Variants in SLC6A16 observed in about 807,000 individuals in gnomAD.
The protein encoded by SLC6A16 is solute carrier family 6 member 16.
In SLC6A16, 54 loss-of-function variants were observed where a neutral mutation model predicts 65.4. The ratio of observed to expected loss-of-function variants is 0.83; its 90% CI spans 0.66 to 1.04. SLC6A16 has a LOEUF of 1.04. Among genes scored for constraint, SLC6A16 ranks in the 50% least tolerant of loss-of-function variants. SLC6A16 has a pLI of 0.00. For synonymous variants in SLC6A16, 330 were observed against 346.5 expected, an observed-to-expected ratio of 0.95 and a Z score of 0.53; for missense variants, 816 against 914.0, an observed-to-expected ratio of 0.89 and a Z score of 1.38.
At chr19:49,318,827 C>A (rs543275394) in intron 1 of SLC6A16, among the ~76,000 whole-genome samples, 20 of 150,822 alleles carry the variant, frequency 1.3e-4, no homozygotes, top group Non-Finnish European at 2.5e-4. Flanking sequence ...CTCAGCCTCC[C>A]AAGTAGCTGG....
Position 49,325,185 on chromosome 19 carries a change from T to C in SLC6A16, c.-202A>G. 1.0e-6 allele frequency: 1 copy of C among 985,412 alleles called. No individual in the cohort carries two copies. The highest frequency in any genetic ancestry group is 1.2e-6 in the Non-Finnish European group (1 of 829,946). The allele number at this position is 985,412 out of a possible 1,614,324, so 61.0% of individuals were successfully genotyped here. A position where few individuals can be genotyped will look rare whatever the true frequency, so the allele number is the denominator to read the frequency against. On this transcript the variant is annotated 5_prime_UTR_variant, in exon 1 of 12. Coordinates refer to ENST00000335875, the MANE Select transcript of SLC6A16 (RefSeq NM_014037.3). ...GACAGATCGGTTTGGGCGACACCCC[T>C]CGATCTGCCTGGCGCGCGGCCTTTC...
At chr19:49,332,180 G>T in the SLC6A16 span, 7 of 456,690 alleles carry the variant, frequency 1.5e-5, no homozygotes, top group South Asian at 1.1e-4. Flanking sequence ...TCCTTGGCTT[G>T]TGGCTGTAGA....
rs536725282 is a variant in SLC6A16 at position 49,293,013 on chromosome 19, C to T, written c.1778+210G>A. 8.6e-5 allele frequency: 44 copies of T among 511,732 alleles called. No individual in the cohort carries two copies. In the East Asian group the frequency reaches 1.3e-3, roughly 15 times the overall value. 31.7% of individuals were successfully genotyped at this position (511,732 alleles called of 1,614,324 possible). A position where few individuals can be genotyped will look rare whatever the true frequency, so the allele number is the denominator to read the frequency against. ...GGAATACTTCTTTTATTCAATGCCCCTATCCCTGATGACTAAAATAGTGCC... is the reference window on the plus strand; with the variant it reads ...GGAATACTTCTTTTATTCAATGCCCTTATCCCTGATGACTAAAATAGTGCC... On this transcript the variant is annotated intron_variant, in intron 10 of 11. Coordinates refer to ENST00000335875, the MANE Select transcript of SLC6A16 (RefSeq NM_014037.3).
rs746440514 is a variant in SLC6A16 at position 49,310,172 on chromosome 19, G to A, written c.574-6C>T. 6 of 1,613,972 alleles carry A rather than the reference G, an allele frequency of 3.7e-6. No homozygotes were observed. The highest frequency in any genetic ancestry group is 2.7e-5 in the African/African-American group (2 of 74,892). On this transcript the variant is annotated splice_polypyrimidine_tract_variant and splice_region_variant and intron_variant, in intron 3 of 11. Transcript: ENST00000335875. ...AGGCCGAGGATGAAGCACACCTGGGGGCCAAGGAGGATATGGCTGGGGAGG... is the reference window on the plus strand; with the variant it reads ...AGGCCGAGGATGAAGCACACCTGGGAGCCAAGGAGGATATGGCTGGGGAGG...
At chr19:49,335,524 T>TA in the SLC6A16 span, 3 of 1,604,502 alleles carry the variant, frequency 1.9e-6, no homozygotes, top group Non-Finnish European at 8.5e-7. This position sits in a 1 kb window ranked among gnomAD's most constrained non-coding sequence, Gnocchi z 4.6. Context: ...GTGGACCGCT[T>TA]ACCCCACTAG....
At chr19:49,308,769 A>G in intron 7 of SLC6A16, 107 bp downstream of exon 7, 1 of 1,418,526 alleles carries the variant, frequency 7.0e-7, no homozygotes, top group Non-Finnish European at 9.7e-7. Flanking sequence ...AAGTGCACCC[A>G]AGGTTGAAAT....
At chr19:49,324,999 C>G (rs1008939798) in intron 1 of SLC6A16, 49 bp downstream of exon 1, 2 of 975,118 alleles carry the variant, frequency 2.1e-6, no homozygotes, top group Non-Finnish European at 1.2e-6. Context: ...CAGCCCCACA[C>G]ACCCCAGATG....
chr19:49,314,747 A>G lies in SLC6A16; in HGVS notation c.-64-3336T>C, dbSNP rs1005710419. ...ACATCATTTCTGTGGGATTCCTGCC[A>G]AAAACATGTAACAAAACTCCAATCG... is the stretch of plus-strand genomic sequence containing the variant. On this transcript the variant is annotated intron_variant, in intron 1 of 11. Coordinates refer to ENST00000335875, the MANE Select transcript of SLC6A16 (RefSeq NM_014037.3). 4.6e-5 allele frequency among the ~76,000 whole-genome samples: 7 copies of G among 152,340 alleles called. No homozygotes were observed. The East Asian group carries it at 1.3e-3, about 29-fold the overall frequency.
chr19:49,339,979 G>C, the SLC6A16 span: 4 of 1,428,604 alleles, frequency 2.8e-6, no homozygotes, highest in Non-Finnish European at 3.7e-6. The surrounding 1 kb of genome is among the most constrained non-coding windows in gnomAD (Gnocchi z 4.5). Flanking sequence ...AGAGGGGGAA[G>C]ACAGATGAGC....
At position 49,292,986 on chromosome 19, in the gene SLC6A16, T is replaced by C. The variant is rs1347178736; in HGVS notation, c.1778+237A>G. On this transcript the variant is annotated intron_variant, in intron 10 of 11. Coordinates refer to ENST00000335875, the MANE Select transcript of SLC6A16 (RefSeq NM_014037.3). This position sits in a 1 kb window ranked among gnomAD's most constrained non-coding sequence, Gnocchi z 4.3. ...CACTAAAATGTAAGCTTTCTGAGAA[T>C]AGGAATACTTCTTTTATTCAATGCC... Among the ~76,000 whole-genome samples, 2 of 152,230 alleles carry C rather than the reference T, an allele frequency of 1.3e-5. No individual in the cohort carries two copies. Among genetic ancestry groups the C allele is most frequent in the East Asian group, 3.8e-4 (2 of 5,206 alleles).
At chr19:49,293,018 C>T (rs554735057) in intron 10 of SLC6A16, 26 of 515,956 alleles carry the variant, frequency 5.0e-5, no homozygotes, top group African/African-American at 4.7e-4. Flanking sequence ...TGCCCCTATC[C>T]CTGATGACTA....
At chr19:49,310,840 T>C in intron 2 of SLC6A16, 93 bp downstream of exon 2, 1 of 1,015,468 alleles carries the variant, frequency 9.8e-7, no homozygotes, top group Non-Finnish European at 1.5e-6. Context: ...CTTTAGTCTC[T>C]ACATATCTCA....
In SLC6A16 at chr19:49,294,518, C is replaced by T. The variant is rs1970147714; in HGVS notation, c.1265G>A (p.Gly422Glu). The T allele has an allele frequency of 6.2e-6, 10 of 1,613,132 alleles. No individual in the cohort carries two copies. Among genetic ancestry groups the T allele is most frequent in the Non-Finnish European group, 8.5e-6 (10 of 1,179,624 alleles). ...AEILLKLINL[G>E]KLPPDAKPPV... ...GGGCTTGGCATCAGGAGGCAGTTTC[C>T]CTAGGTTTATCAGCTTTAAAAGTAT... The change falls in exon 8 of 12, where the codon GGG becomes GAG. Residue 422 changes from glycine (G) to glutamate (E), a missense_variant. By Grantham distance (98) the Gly-to-Glu change is moderately conservative (BLOSUM62 -2). Transcript: ENST00000335875.
the SLC6A16 span, chr19:49,331,785 C>G: frequency 2.2e-6 from 1 of 457,166 alleles, no homozygotes; most frequent in Admixed American, 2.4e-5. Context: ...GTCACATGGC[C>G]TCAACTTCAC....
chr19:49,318,025 G>C (rs1970644335), intron 1 of SLC6A16, among the ~76,000 whole-genome samples: 1 of 152,154 alleles, frequency 6.6e-6, no homozygotes, highest in Non-Finnish European at 1.5e-5. Context: ...GTTCAGGAAG[G>C]CTTAGGTGAC....
upstream of SLC6A16, among the ~76,000 whole-genome samples, chr19:49,326,226 ATT>A (rs2146190074): frequency 6.6e-6 from 1 of 152,144 alleles, no homozygotes. Context: ...ATCATTTTAC[ATT>A]TTTGCAAATC....
chr19:49,309,715 G>T lies in SLC6A16; in HGVS notation c.812C>A (p.Pro271His). The T allele has an allele frequency of 6.2e-7, 1 of 1,614,000 alleles. No individual in the cohort carries two copies. The highest frequency in any genetic ancestry group is 8.5e-7 in the Non-Finnish European group (1 of 1,179,964). The change falls in exon 5 of 12, where the codon CCC becomes CAC. Residue 271 changes from proline to histidine, a missense_variant. Physicochemically the swap from Pro to His is moderately conservative, Grantham distance 77. Transcript: ENST00000335875. ...AACAAGACACCAGCAAAGAAAGAAGGGCAGGACCAGACTGTAGACTGGTGA... is the reference window on the plus strand; with the variant it reads ...AACAAGACACCAGCAAAGAAAGAAGTGCAGGACCAGACTGTAGACTGGTGA... ...GGSPVYSLVL[P>H]FFLCWCLVGA...
rs368405211 is a variant in SLC6A16 at position 49,311,217 on chromosome 19, G to T, written c.131C>A (p.Ser44Tyr). ...DKGSLTRSATSWTSEAQVSAA... is the reference protein window; with the variant it reads ...DKGSLTRSATYWTSEAQVSAA... ...TGAAACTTGGGCCTCTGAGGTCCAA[G>T]ATGTTGCAGACCGGGTCAATGAACC... The change falls in exon 2 of 12, where the codon TCT becomes TAT. Residue 44 changes from serine (S) to tyrosine (Y), a missense_variant. Physicochemically the swap from Ser to Tyr is moderately radical, Grantham distance 144. Transcript: ENST00000335875. 12 of 1,614,076 alleles carry T rather than the reference G, an allele frequency of 7.4e-6. No individual in the cohort carries two copies. The highest frequency in any genetic ancestry group is 1.0e-5 in the Non-Finnish European group (12 of 1,180,042).
the SLC6A16 span, chr19:49,337,068 C>G: frequency 6.2e-7 from 1 of 1,613,810 alleles, no homozygotes; most frequent in Non-Finnish European, 8.5e-7. Context: ...CCTAGGAACA[C>G]TCCTATCCCC....
Sources: allele counts gnomAD v4.1 joint callset (sites outside exome capture counted in the v4.1 genomes callset), GRCh38; gene constraint gnomAD v4.1.1; non-coding constraint Gnocchi (gnomAD v3.1); transcripts MANE v1.5; gene names NCBI Gene and HGNC (gene_info 2026-07-23, HGNC 2026-07-21).